Variants in DLG2 observed in about 807,000 individuals in gnomAD.
DLG2 encodes disks large homolog 2.
A neutral mutation model predicts 132.5 loss-of-function variants in DLG2; 45 were observed. The ratio of observed to expected loss-of-function variants is 0.34; its 90% CI spans 0.27 to 0.44. DLG2 has a LOEUF of 0.44. DLG2 is among the 20% of genes least tolerant of loss of function. The probability of loss-of-function intolerance (pLI) is 1.00; values close to 1 mark genes in which losing one functional copy is unlikely to be tolerated. For missense variants in DLG2, 1,045 were observed against 1,196.9 expected, an observed-to-expected ratio of 0.87 and a Z score of 1.87; for synonymous variants, 424 against 419.6, an observed-to-expected ratio of 1.01 and a Z score of -0.13.
intron 3 of DLG2, among the ~76,000 whole-genome samples, chr11:85,412,758 CACATAT>C (rs1366744725): frequency 1.7e-4 from 20 of 117,482 alleles, no homozygotes; most frequent in African/African-American, 2.5e-4. Context: ...CACACACACA[CACATAT>C]ATATATATAT....
intron 15 of DLG2, among the ~76,000 whole-genome samples, chr11:83,925,147 C>G (rs1367568745): frequency 2.0e-5 from 3 of 152,096 alleles, no homozygotes; most frequent in African/African-American, 7.2e-5. Context: ...AAGTGTTACA[C>G]AGAGTAGCGT....
intron 7 of DLG2, among the ~76,000 whole-genome samples, chr11:84,329,836 A>G (rs914898186): frequency 3.3e-5 from 5 of 152,224 alleles, no homozygotes; most frequent in African/African-American, 1.2e-4. Flanking sequence ...AATGTGATAA[A>G]GCTTTGTATA....
intron 3 of DLG2, among the ~76,000 whole-genome samples, chr11:85,297,790 A>T (rs1464434317): frequency 6.6e-6 from 1 of 152,090 alleles, no homozygotes; most frequent in Non-Finnish European, 1.5e-5. Context: ...TCAAGATGAG[A>T]AGGGTATTCA....
intron 7 of DLG2, among the ~76,000 whole-genome samples, chr11:84,298,171 G>T (rs1482037771): frequency 6.6e-6 from 1 of 151,980 alleles, no homozygotes; most frequent in Admixed American, 6.6e-5. Context: ...CCTAGAACAG[G>T]GATTCTTGGT....
intron 6 of DLG2, among the ~76,000 whole-genome samples, chr11:84,683,617 C>G (rs1331976253): frequency 6.6e-6 from 1 of 152,186 alleles, no homozygotes; most frequent in East Asian, 1.9e-4. Flanking sequence ...GACACAACCA[C>G]TGAAGGATTT....
chr11:84,362,636 T>C (rs1391570835), intron 7 of DLG2, among the ~76,000 whole-genome samples: 1 of 152,144 alleles, frequency 6.6e-6, no homozygotes, highest in Non-Finnish European at 1.5e-5. Context: ...ATTAGGTATG[T>C]CTCCCAATGC....
chr11:83,900,753 G>C (rs1307275317), intron 15 of DLG2, among the ~76,000 whole-genome samples: 1 of 152,208 alleles, frequency 6.6e-6, no homozygotes, highest in Non-Finnish European at 1.5e-5. Flanking sequence ...GTGTGGAAGG[G>C]AAGTGTGGGG....
chr11:84,659,167 C>G (rs2099691748), intron 6 of DLG2, among the ~76,000 whole-genome samples: 1 of 152,058 alleles, frequency 6.6e-6, no homozygotes, highest in Non-Finnish European at 1.5e-5. Flanking sequence ...AAATTTAATT[C>G]TAACTGACAA....
chr11:84,466,662 A>C (rs562129613), intron 7 of DLG2, among the ~76,000 whole-genome samples: 1 of 151,480 alleles, frequency 6.6e-6, no homozygotes, highest in East Asian at 2.0e-4. Flanking sequence ...GAATTCTCAC[A>C]TATTTCTAGT....
At chr11:85,620,089 C>T (rs1591371408) in intron 2 of DLG2, among the ~76,000 whole-genome samples, 1 of 152,198 alleles carries the variant, frequency 6.6e-6, no homozygotes, top group East Asian at 1.9e-4. Context: ...AGGATATATT[C>T]ACTTCATGTC....
intron 25 of DLG2, among the ~76,000 whole-genome samples, chr11:83,467,810 T>TATATATATATATATATATACACAC (rs1414160515): frequency 1.0e-5 from 1 of 96,312 alleles, no homozygotes; most frequent in Admixed American, 1.1e-4. Context: ...TATATATATA[T>TATATATATATATATATATACACAC]ACACACACAC....
At chr11:84,182,104 A>T (rs1352382480) in intron 8 of DLG2, among the ~76,000 whole-genome samples, 4 of 152,226 alleles carry the variant, frequency 2.6e-5, no homozygotes, top group African/African-American at 9.6e-5. Flanking sequence ...TGAAACAGTC[A>T]TCAGGATAGA....
At chr11:84,662,679 A>C (rs1199632900) in intron 6 of DLG2, among the ~76,000 whole-genome samples, 1 of 148,656 alleles carries the variant, frequency 6.7e-6, no homozygotes, top group Non-Finnish European at 1.5e-5. Flanking sequence ...CCCAGCTACT[A>C]GGGAGGCTGA....
chr11:84,255,973 A>G (rs2097462297), intron 7 of DLG2, among the ~76,000 whole-genome samples: 2 of 152,054 alleles, frequency 1.3e-5, no homozygotes, highest in African/African-American at 4.8e-5. Flanking sequence ...CTAATTACAG[A>G]GAAGCAAGAA....
intron 17 of DLG2, among the ~76,000 whole-genome samples, chr11:83,787,140 TAAAG>T (rs1381515106): frequency 3.9e-5 from 6 of 151,944 alleles, no homozygotes; most frequent in African/African-American, 1.5e-4. Flanking sequence ...AACAGGATGA[TAAAG>T]AGAGACACAT....
intron 3 of DLG2, among the ~76,000 whole-genome samples, chr11:85,421,482 T>C (rs1355335138): frequency 6.6e-6 from 1 of 151,672 alleles, no homozygotes; most frequent in East Asian, 2.0e-4. Flanking sequence ...AATAGCTACT[T>C]CTGCTTGCTT....
At chr11:84,635,742 A>G (rs1197758347) in intron 6 of DLG2, among the ~76,000 whole-genome samples, 1 of 152,080 alleles carries the variant, frequency 6.6e-6, no homozygotes, top group Non-Finnish European at 1.5e-5. Context: ...CTCATTTTAC[A>G]GATGAGGAAA....
chr11:84,526,901 C>T (rs1377569261), intron 7 of DLG2, among the ~76,000 whole-genome samples: 2 of 151,634 alleles, frequency 1.3e-5, no homozygotes, highest in Non-Finnish European at 2.9e-5. Context: ...GCCTCAGCCT[C>T]CCGAGTAGCT....
intron 4 of DLG2, among the ~76,000 whole-genome samples, chr11:85,244,699 G>T (rs1474662191): frequency 1.3e-5 from 2 of 151,922 alleles, no homozygotes; most frequent in African/African-American, 2.4e-5. Flanking sequence ...CAGTTAAATT[G>T]TTATATATGT....
Sources: allele counts gnomAD v4.1 joint callset (sites outside exome capture counted in the v4.1 genomes callset), GRCh38; gene constraint gnomAD v4.1.1; transcripts MANE v1.5; gene names NCBI Gene and HGNC (gene_info 2026-07-23, HGNC 2026-07-21).